The following WWC2 variants were observed in gnomAD, a reference collection of about 807,000 sequenced individuals.
WWC2 encodes protein WWC2.
In WWC2, 101 loss-of-function variants were observed where a neutral mutation model predicts 138.5. The observed-to-expected ratio is 0.73, with a 90% CI of 0.62 to 0.86. The LOEUF (loss-of-function observed/expected upper bound fraction) is 0.86, where lower values mean the gene tolerates loss of function less well. Ranked by LOEUF, WWC2 falls within the 40% of genes least tolerant of loss-of-function variation. The pLI is 0.00. For missense variants in WWC2, 1,420 were observed against 1,419.4 expected (o/e 1.00, Z -0.01); for synonymous variants, 558 against 538.4 (o/e 1.04, Z -0.50).
intron 1 of WWC2, among the ~76,000 whole-genome samples, chr4:183,177,219 A>G (rs1250786960): frequency 6.6e-6 from 1 of 152,240 alleles, no homozygotes; most frequent in African/African-American, 2.4e-5. Flanking sequence ...GTAATAAGCA[A>G]CCTGTAAATC....
At chr4:183,310,035 G>A (rs1390914951) in intron 21 of WWC2, among the ~76,000 whole-genome samples, 2 of 152,200 alleles carry the variant, frequency 1.3e-5, no homozygotes, top group African/African-American at 4.8e-5. Flanking sequence ...AGCCAGTGAA[G>A]AGATCAGTGG....
chr4:183,172,556 G>GTTTTTTTTTTTTTTT (rs61599876), intron 1 of WWC2, among the ~76,000 whole-genome samples: 19 of 112,998 alleles, frequency 1.7e-4, no homozygotes, highest in Admixed American at 4.5e-4. Context: ...TATGTTTCTT[G>GTTTTTTTTTTTTTTT]TTTTTTTTTT....
intron 1 of WWC2, among the ~76,000 whole-genome samples, chr4:183,147,436 G>A (rs1333450584): frequency 6.6e-6 from 1 of 152,148 alleles, no homozygotes; most frequent in Non-Finnish European, 1.5e-5. Flanking sequence ...ACAGGGTGAA[G>A]CTTTAGGCAG....
intron 1 of WWC2, among the ~76,000 whole-genome samples, chr4:183,173,330 G>A (rs927735056): frequency 1.3e-5 from 2 of 152,120 alleles, no homozygotes; most frequent in Non-Finnish European, 2.9e-5. Flanking sequence ...GGGATTGCAC[G>A]TGTGAGCCAC....
chr4:183,177,938 C>T (rs1734511667), intron 1 of WWC2, among the ~76,000 whole-genome samples: 1 of 152,108 alleles, frequency 6.6e-6, no homozygotes, highest in African/African-American at 2.4e-5. Flanking sequence ...ACTTTGGGAC[C>T]CTGCAAGATC....
intron 16 of WWC2, among the ~76,000 whole-genome samples, chr4:183,278,197 G>A (rs62356742): frequency 0.25 from 37,607 of 151,378 alleles, 5,315 homozygotes; most frequent in Middle Eastern, 0.42. Flanking sequence ...TCTCCATATG[G>A]CTAGCCAGTT....
chr4:183,111,755 G>A (rs949067485), intron 1 of WWC2, among the ~76,000 whole-genome samples: 11 of 150,642 alleles, frequency 7.3e-5, no homozygotes, highest in Admixed American at 2.0e-4. Context: ...GTGCAGTGGC[G>A]TGATCATGGC....
intron 1 of WWC2, among the ~76,000 whole-genome samples, chr4:183,147,354 G>A (rs1733491301): frequency 6.6e-6 from 1 of 152,184 alleles, no homozygotes; most frequent in African/African-American, 2.4e-5. Context: ...TCTGTGTTAT[G>A]ACTGGTTTTT....
chr4:183,267,057 G>A (rs940571923), intron 14 of WWC2, among the ~76,000 whole-genome samples: 5 of 151,412 alleles, frequency 3.3e-5, no homozygotes, highest in African/African-American at 1.2e-4. Context: ...AAGAGATGGG[G>A]TCTCACTGGG....
chr4:183,185,508 G>A (rs1359234368), intron 1 of WWC2, among the ~76,000 whole-genome samples: 1 of 152,188 alleles, frequency 6.6e-6, no homozygotes, highest in South Asian at 2.1e-4. Flanking sequence ...AAATACTGAA[G>A]TAATTTAAGA....
intron 22 of WWC2, among the ~76,000 whole-genome samples, chr4:183,313,078 G>A (rs1490928864): frequency 2.0e-5 from 3 of 152,190 alleles, no homozygotes; most frequent in Non-Finnish European, 2.9e-5. Context: ...AAGGATGGCT[G>A]CAAGCTCCTT....
At chr4:183,224,913 T>C (rs1211036769) in intron 4 of WWC2, among the ~76,000 whole-genome samples, 1 of 152,196 alleles carries the variant, frequency 6.6e-6, no homozygotes, top group African/African-American at 2.4e-5. Flanking sequence ...TAAACATAAC[T>C]GACATGTTTT....
intron 17 of WWC2, among the ~76,000 whole-genome samples, chr4:183,282,034 A>G (rs1424623284): frequency 6.6e-6 from 1 of 152,200 alleles, no homozygotes; most frequent in African/African-American, 2.4e-5. Context: ...AAAGCTGAAC[A>G]TTTAGTTATC....
rs771897189 is a variant in WWC2, at chr4:183,253,947, G to A, written c.1144G>A (p.Glu382Lys). 2 of 1,613,898 alleles carry A rather than the reference G, an allele frequency of 1.2e-6. No individual in the cohort carries two copies. Among genetic ancestry groups the A allele is most frequent in the South Asian group, 1.1e-5 (1 of 91,026 alleles). ...CCTAGAAGCTGAAAGGCAGCGGCTGGAAGAAGAGTTGCTGTCTGTGAGGGG... is the reference window on the plus strand; with the variant it reads ...CCTAGAAGCTGAAAGGCAGCGGCTGAAAGAAGAGTTGCTGTCTGTGAGGGG... ...ERLEAERQRLEEELLSVRGTP... is the reference protein window; with the variant it reads ...ERLEAERQRLKEELLSVRGTP... The change falls in exon 9 of 23, where the codon GAA (glutamate) becomes AAA (lysine). Residue 382 changes from glutamate (E) to lysine (K), a missense_variant. Coordinates refer to ENST00000403733, the MANE Select transcript of WWC2 (RefSeq NM_024949.6).
intron 1 of WWC2, among the ~76,000 whole-genome samples, chr4:183,123,402 G>GGTGTGT (rs67158904): frequency 0.32 from 47,480 of 147,490 alleles, 7,922 homozygotes; most frequent in Admixed American, 0.44. Context: ...GCAAGTTTCA[G>GGTGTGT]GTGTGTGTGT....
rs1341045338 is a variant in WWC2, at chr4:183,289,489, C to A, written c.3238C>A (p.Gln1080Lys). 5.0e-6 allele frequency: 8 copies of A among 1,613,772 alleles called. No homozygotes were observed. The highest frequency in any genetic ancestry group is 6.8e-6 in the Non-Finnish European group (8 of 1,179,780). ...GGACCTTCAGGCATCTCTGACCCGGCAGAGCCGCCTCAATGATGAGCTGCA... is the reference window on the plus strand; with the variant it reads ...GGACCTTCAGGCATCTCTGACCCGGAAGAGCCGCCTCAATGATGAGCTGCA... ...ELDLQASLTRQSRLNDELQAL... is the reference protein window; with the variant it reads ...ELDLQASLTRKSRLNDELQAL... The change falls in exon 21 of 23, where the codon CAG becomes AAG. Residue 1080 changes from glutamine (Q) to lysine (K), a missense_variant. Gln to Lys is a moderately conservative substitution (Grantham distance 53). Coordinates refer to ENST00000403733, the MANE Select transcript of WWC2 (RefSeq NM_024949.6).
intron 1 of WWC2, among the ~76,000 whole-genome samples, chr4:183,183,121 C>G (rs961828174): frequency 5.9e-5 from 9 of 152,178 alleles, no homozygotes; most frequent in African/African-American, 2.2e-4. Context: ...AAGATTCATG[C>G]AACACAATCA....
chr4:183,241,025 A>G (rs1229318190), intron 5 of WWC2, among the ~76,000 whole-genome samples: 1 of 151,886 alleles, frequency 6.6e-6, no homozygotes, highest in Non-Finnish European at 1.5e-5. Flanking sequence ...TGCAGTCTCC[A>G]CTCCACAGGG....
intron 1 of WWC2, among the ~76,000 whole-genome samples, chr4:183,138,753 T>C (rs77946998): frequency 1.4e-3 from 215 of 152,338 alleles, no homozygotes; most frequent in African/African-American, 5.0e-3. Flanking sequence ...TTCTTTATTT[T>C]CTCGCTAGCT....
Sources: allele counts gnomAD v4.1 joint callset (sites outside exome capture counted in the v4.1 genomes callset), GRCh38; gene constraint gnomAD v4.1.1; transcripts MANE v1.5; gene names NCBI Gene and HGNC (gene_info 2026-07-23, HGNC 2026-07-21).